Variants in NAV2 observed in about 807,000 individuals in gnomAD.
NAV2 encodes helicase, APC down-regulated 1.
NAV2 carries 54 observed loss-of-function variants against 223.2 expected under a neutral mutation model. The ratio of observed to expected loss-of-function variants is 0.24; its 90% CI spans 0.19 to 0.30. NAV2 has a LOEUF of 0.30. Ranked by LOEUF, NAV2 falls within the 10% of genes least tolerant of loss-of-function variation. NAV2 has a pLI of 1.00. For missense variants in NAV2, 2,806 were observed against 3,147.5 expected, an observed-to-expected ratio of 0.89 and a Z score of 2.60; for synonymous variants, 1,279 against 1,239.3, an observed-to-expected ratio of 1.03 and a Z score of -0.67.
At chr11:19,785,825 G>T (rs1349311836) in intron 1 of NAV2, among the ~76,000 whole-genome samples, 1 of 151,956 alleles carries the variant, frequency 6.6e-6, no homozygotes. Flanking sequence ...TAGCTTAAGG[G>T]GACCTCTATT....
At chr11:19,714,245 CA>C in intron 1 of NAV2, 2 of 655,332 alleles carry the variant, frequency 3.1e-6, no homozygotes, top group South Asian at 1.5e-5. Context: ...GGGATGTTCT[CA>C]AAAAACGTGT....
At chr11:19,542,461 C>T (rs1240228612) in intron 1 of NAV2, among the ~76,000 whole-genome samples, 2 of 152,188 alleles carry the variant, frequency 1.3e-5, no homozygotes, top group Non-Finnish European at 2.9e-5. Flanking sequence ...CTCCAGAGCC[C>T]GAGCTCTTAA....
intron 1 of NAV2, among the ~76,000 whole-genome samples, chr11:19,546,219 G>A (rs547485051): frequency 3.9e-5 from 6 of 152,320 alleles, no homozygotes; most frequent in Non-Finnish European, 7.4e-5. Flanking sequence ...GTGGGGTCTC[G>A]AGCAAGGCCT....
chr11:19,795,536 G>A (rs965486428), intron 1 of NAV2, among the ~76,000 whole-genome samples: 1 of 152,220 alleles, frequency 6.6e-6, no homozygotes, highest in Non-Finnish European at 1.5e-5. Flanking sequence ...ATGTTCACCA[G>A]TGTACAGTCT....
chr11:19,598,278 A>G (rs1045704950), intron 1 of NAV2, among the ~76,000 whole-genome samples: 4 of 152,224 alleles, frequency 2.6e-5, no homozygotes, highest in Non-Finnish European at 5.9e-5. Flanking sequence ...GGGGGTCCTC[A>G]GAGCTCACAC....
intron 1 of NAV2, among the ~76,000 whole-genome samples, chr11:19,581,351 T>A (rs2045711734): frequency 6.6e-6 from 1 of 152,194 alleles, no homozygotes; most frequent in African/African-American, 2.4e-5. Flanking sequence ...TTTAATTTCT[T>A]TTGAAAGTTT....
chr11:20,049,236 C>T, intron 15 of NAV2, 41 bp downstream of exon 15: 1 of 1,383,986 alleles, frequency 7.2e-7, no homozygotes, highest in Non-Finnish European at 9.9e-7. Context: ...AGAAAGACAC[C>T]CTTCCAAAAA....
rs1286003945 is a variant in NAV2 at position 19,535,660 on chromosome 11, T to G, written c.75+184633T>G. Reference sequence around the variant, plus strand: ...TTATCTCTCAGCGGTTTCTTCCACCTCCTTTGATCACAGGGTCTCATCATT... The same window carrying G: ...TTATCTCTCAGCGGTTTCTTCCACCGCCTTTGATCACAGGGTCTCATCATT... On this transcript the variant is annotated intron_variant, in intron 1 of 37. Transcript: ENST00000360655. Among the ~76,000 whole-genome samples the G allele has an allele frequency of 2.0e-5, 3 of 152,252 alleles. No individual in the cohort carries two copies. The East Asian group carries it at 5.8e-4, about 29-fold the overall frequency.
intron 11 of NAV2, among the ~76,000 whole-genome samples, chr11:19,986,899 G>A (rs113772366): frequency 7.9e-5 from 12 of 152,204 alleles, no homozygotes; most frequent in African/African-American, 2.2e-4. Flanking sequence ...TATGTAAATC[G>A]CAAATTTAGT....
chr11:20,005,926 T>G lies in NAV2; in HGVS notation c.2768+21679T>G, dbSNP rs144419715. Among the ~76,000 whole-genome samples, 747 of 152,338 alleles carry G rather than the reference T, an allele frequency of 4.9e-3. 3 individuals are homozygous for G. The highest frequency in any genetic ancestry group is 0.017 in the African/African-American group (722 of 41,570). On this transcript the variant is annotated intron_variant, in intron 11 of 37. Coordinates refer to ENST00000349880, the MANE Select transcript of NAV2 (RefSeq NM_145117.5). ...CCTAAATTGACTCATTTAATCCTCA[T>G]GACAACTCAGTGAGATTTCATCATT... is the stretch of plus-strand genomic sequence containing the variant.
At chr11:19,771,420 A>G (rs1279243646) in intron 1 of NAV2, among the ~76,000 whole-genome samples, 1 of 152,086 alleles carries the variant, frequency 6.6e-6, no homozygotes, top group Non-Finnish European at 1.5e-5. Context: ...CGTGATATCA[A>G]TTGGTAGAGA....
intron 1 of NAV2, among the ~76,000 whole-genome samples, chr11:19,796,865 C>T (rs77357259): frequency 6.6e-6 from 1 of 152,186 alleles, no homozygotes. Flanking sequence ...TGCACGCTTT[C>T]TCTGATTAGG....
intron 1 of NAV2, among the ~76,000 whole-genome samples, chr11:19,668,395 T>A (rs1409233382): frequency 6.6e-6 from 1 of 151,874 alleles, no homozygotes; most frequent in Non-Finnish European, 1.5e-5. Context: ...CAGCCAGGCG[T>A]GGTGACTCAC....
chr11:19,881,596 T>A (rs1418097307), intron 5 of NAV2, among the ~76,000 whole-genome samples: 1 of 152,186 alleles, frequency 6.6e-6, no homozygotes, highest in African/African-American at 2.4e-5. Flanking sequence ...AACCTGCCAA[T>A]ATGCATTTGT....
At chr11:20,100,020 C>T (rs947682483) in intron 31 of NAV2, among the ~76,000 whole-genome samples, 1 of 152,118 alleles carries the variant, frequency 6.6e-6, no homozygotes, top group African/African-American at 2.4e-5. Flanking sequence ...GATATAGATG[C>T]ATTGGGGGGA....
intron 1 of NAV2, among the ~76,000 whole-genome samples, chr11:19,827,818 T>C (rs796656278): frequency 6.7e-6 from 1 of 149,650 alleles, no homozygotes; most frequent in South Asian, 2.1e-4. Context: ...AAGTGGGAAG[T>C]GTTTGCTCCT....
chr11:19,620,911 T>A (rs1191337710), intron 1 of NAV2, among the ~76,000 whole-genome samples: 2 of 152,200 alleles, frequency 1.3e-5, no homozygotes, highest in Non-Finnish European at 2.9e-5. Flanking sequence ...CATAAATAGC[T>A]CTTATTATTT....
chr11:19,462,242 C>T (rs757061039), intron 1 of NAV2, among the ~76,000 whole-genome samples: 2 of 152,178 alleles, frequency 1.3e-5, no homozygotes, highest in Non-Finnish European at 2.9e-5. Context: ...TAGACTCTAT[C>T]CCCAGAGTTT....
intron 37 of NAV2, among the ~76,000 whole-genome samples, chr11:20,116,852 CATG>C (rs1268321235): frequency 6.6e-6 from 1 of 152,224 alleles, no homozygotes; most frequent in Non-Finnish European, 1.5e-5. Flanking sequence ...CCTTCTCACT[CATG>C]AGACTGAGAC....
Sources: allele counts gnomAD v4.1 joint callset (sites outside exome capture counted in the v4.1 genomes callset), GRCh38; gene constraint gnomAD v4.1.1; transcripts MANE v1.5; gene names NCBI Gene and HGNC (gene_info 2026-07-23, HGNC 2026-07-21).